The following ACSBG1 variants were observed in gnomAD, a reference collection of about 807,000 sequenced individuals.
The protein encoded by ACSBG1 is acyl-CoA synthetase bubblegum family member 1.
A neutral mutation model predicts 80.2 loss-of-function variants in ACSBG1; 39 were observed. That is an observed-to-expected ratio of 0.49 (90% CI 0.38 to 0.64). The LOEUF (loss-of-function observed/expected upper bound fraction) is 0.64, where lower values mean the gene tolerates loss of function less well. Ranked by LOEUF, ACSBG1 falls within the 30% of genes least tolerant of loss-of-function variation. ACSBG1 has a pLI of 0.00. For missense variants in ACSBG1, 828 were observed against 966.4 expected (o/e 0.86, Z 1.90); for synonymous variants, 392 against 379.5 (o/e 1.03, Z -0.38).
At chr15:78,207,917 T>TCCCCCCCACCACCCCCCCCA in intron 2 of ACSBG1, 85 bp downstream of exon 2, 2 of 876,066 alleles carry the variant, frequency 2.3e-6, no homozygotes, top group Non-Finnish European at 1.8e-6. Context: ...TGTGTGGTGG[T>TCCCCCCCACCACCCCCCCCA]CCCCCACACC....
intron 5 of ACSBG1, among the ~76,000 whole-genome samples, chr15:78,186,098 G>A (rs1451346222): frequency 6.6e-6 from 1 of 152,138 alleles, no homozygotes; most frequent in Non-Finnish European, 1.5e-5. Context: ...ATATGTTTAG[G>A]ATAGTTAGCT....
At chr15:78,174,968 CTTA>C (rs909273267) in intron 11 of ACSBG1, among the ~76,000 whole-genome samples, 6 of 152,244 alleles carry the variant, frequency 3.9e-5, no homozygotes, top group African/African-American at 9.6e-5. Context: ...AGCAGACACT[CTTA>C]TTGTTTTGCA....
In ACSBG1 at chr15:78,178,739, A is replaced by AAT. The variant is rs1220132077; in HGVS notation, c.1575_1576dup (p.Phe526TyrfsTer6). On this transcript the variant is annotated frameshift_variant, in exon 11 of 14. Coordinates refer to ENST00000258873, the MANE Select transcript of ACSBG1 (RefSeq NM_015162.5). LOFTEE classifies it high-confidence loss of function. This position sits in a 1 kb window ranked among gnomAD's most constrained non-coding sequence, Gnocchi z 4.3. ...GTCCTCCATGTTCAGGTAGCCCATG[A>AAT]ATATGGTGCGGCCCCACAGGCAGAT... is the stretch of plus-strand genomic sequence containing the variant. 4 of 1,614,164 alleles carry AAT rather than the reference A, an allele frequency of 2.5e-6. No individual in the cohort carries two copies. Among genetic ancestry groups the AAT allele is most frequent in the Non-Finnish European group, 3.4e-6 (4 of 1,180,024 alleles).
intron 13 of ACSBG1, among the ~76,000 whole-genome samples, chr15:78,173,264 G>A (rs921220545): frequency 1.0e-4 from 14 of 134,450 alleles, no homozygotes; most frequent in African/African-American, 3.8e-4. Flanking sequence ...AGAATCACTT[G>A]AACCCGCGAG....
chr15:78,194,158 TGGA>T (rs1016012764), intron 3 of ACSBG1, 138 bp from the exon 4 acceptor site: 19 of 822,680 alleles, frequency 2.3e-5, no homozygotes, highest in East Asian at 8.0e-5. Context: ...AGAATCCCCT[TGGA>T]GGAGAAGGGG....
Position 78,171,429 on chromosome 15 carries a change from A to G in ACSBG1, c.*15T>C, listed in dbSNP as rs754456068. 1.9e-6 allele frequency: 3 copies of G among 1,609,756 alleles called. No individual in the cohort carries two copies. Among genetic ancestry groups the G allele is most frequent in the Non-Finnish European group, 2.6e-6 (3 of 1,176,160 alleles). On this transcript the variant is annotated 3_prime_UTR_variant, in exon 14 of 14. Coordinates refer to ENST00000258873, the MANE Select transcript of ACSBG1 (RefSeq NM_015162.5). ...CTGCCCTCTATTCTATAGAAACTGC[A>G]GGCATAGGCCCTGATTACATTTTTT...
intron 2 of ACSBG1, among the ~76,000 whole-genome samples, chr15:78,207,150 C>G (rs1267907292): frequency 1.3e-5 from 2 of 152,202 alleles, no homozygotes; most frequent in African/African-American, 2.4e-5. Flanking sequence ...TGTCCCTGTT[C>G]CTGGCCTCTC....
At chr15:78,193,802 C>A in intron 4 of ACSBG1, 130 bp downstream of exon 4, 1 of 1,430,810 alleles carries the variant, frequency 7.0e-7, no homozygotes, top group Non-Finnish European at 9.5e-7. Flanking sequence ...GCAGGTCCAC[C>A]AGAAGGCCCC....
intron 8 of ACSBG1, 125 bp downstream of exon 8, chr15:78,181,844 G>T: frequency 7.7e-7 from 1 of 1,293,974 alleles, no homozygotes; most frequent in Non-Finnish European, 1.1e-6. Context: ...CACTGCAGCT[G>T]ACAGAATTCT....
intron 5 of ACSBG1, among the ~76,000 whole-genome samples, chr15:78,183,493 C>T (rs2074970104): frequency 6.6e-6 from 1 of 152,154 alleles, no homozygotes; most frequent in South Asian, 2.1e-4. Context: ...ACGAGACTCG[C>T]TTGAGCCCGG....
intron 2 of ACSBG1, 34 bp from the exon 3 acceptor site, chr15:78,194,760 G>A: frequency 6.3e-7 from 1 of 1,597,460 alleles, no homozygotes; most frequent in Non-Finnish European, 8.5e-7. Context: ...CTTGGATCAT[G>A]CCAGCCTGGG....
chr15:78,230,057 A>G (rs533698081), intron 1 of ACSBG1, among the ~76,000 whole-genome samples: 1 of 152,004 alleles, frequency 6.6e-6, no homozygotes, highest in Non-Finnish European at 1.5e-5. Context: ...TTCCTCCACA[A>G]TGGGCTTCCT....
chr15:78,234,458 TC>T lies in ACSBG1; in HGVS notation c.43del (p.Asp15ThrfsTer18). Reference sequence around the variant, plus strand: ...CTCTCTGCTGTCCAGCATGCTGGGGTCCCCGTGTGGGCAGCCGTATCCAGCT... The same window carrying T: ...CTCTCTGCTGTCCAGCATGCTGGGGTCCCGTGTGGGCAGCCGTATCCAGCT... Reference protein sequence around the residue: ...SGAGYGCPHGDPSMLDSRETP... With the variant: ...SGAGYGCPHGXPSMLDSRETP... On this transcript the variant is annotated frameshift_variant, in exon 1 of 14. Coordinates refer to ENST00000258873, the MANE Select transcript of ACSBG1 (RefSeq NM_015162.5). LOFTEE classifies it high-confidence loss of function. 1.9e-6 allele frequency: 3 copies of T among 1,612,762 alleles called. No individual in the cohort carries two copies. Among genetic ancestry groups the T allele is most frequent in the Non-Finnish European group, 8.5e-7 (1 of 1,179,980 alleles).
intron 1 of ACSBG1, among the ~76,000 whole-genome samples, chr15:78,211,809 C>A (rs1272717260): frequency 6.6e-6 from 1 of 152,178 alleles, no homozygotes; most frequent in Non-Finnish European, 1.5e-5. Context: ...TCCTTCAACT[C>A]CTCCTGCAGG....
In ACSBG1 at chr15:78,234,418, G is replaced by A; in HGVS notation, c.84C>T (p.Ser28=). The A allele has an allele frequency of 6.2e-7, 1 of 1,612,954 alleles. No homozygotes were observed. Among genetic ancestry groups the A allele is most frequent in the East Asian group, 2.2e-5 (1 of 44,884 alleles). Residue 28 remains serine, a synonymous_variant, in exon 1 of 14, where the codon AGC becomes AGT. Coordinates refer to ENST00000258873, the MANE Select transcript of ACSBG1 (RefSeq NM_015162.5). Reference sequence around the variant, plus strand: ...TGGTCCTCACAATCATGTCCTGCCGGCTCTCCTGTGGGGTCTCTCTGCTGT... The same window carrying A: ...TGGTCCTCACAATCATGTCCTGCCGACTCTCCTGTGGGGTCTCTCTGCTGT... ...MLDSRETPQE[S]RQDMIVRTTQ...
chr15:78,228,879 T>C (rs1251774980), intron 1 of ACSBG1, among the ~76,000 whole-genome samples: 2 of 152,190 alleles, frequency 1.3e-5, no homozygotes, highest in East Asian at 3.8e-4. Flanking sequence ...CTGTTTCATG[T>C]CTCAGTTTAA....
At chr15:78,207,943 A>ACCCCCCCCCCC in intron 2 of ACSBG1, 59 bp downstream of exon 2, 1 of 520,134 alleles carries the variant, frequency 1.9e-6, no homozygotes, top group Admixed American at 2.4e-5. Context: ...CCCCTCCAGC[A>ACCCCCCCCCCC]CACCCAGCAC....
chr15:78,193,447 G>T, intron 5 of ACSBG1, 59 bp downstream of exon 5: 2 of 1,558,248 alleles, frequency 1.3e-6, no homozygotes, highest in Non-Finnish European at 1.7e-6. Flanking sequence ...GTGAGTTGGA[G>T]TGGAGGTGCA....
chr15:78,176,020 T>C (rs1404353552), intron 11 of ACSBG1, among the ~76,000 whole-genome samples: 1 of 152,068 alleles, frequency 6.6e-6, no homozygotes, highest in African/African-American at 2.4e-5. Flanking sequence ...TTTAATCAGA[T>C]AAGGAACATC....
Sources: allele counts gnomAD v4.1 joint callset (sites outside exome capture counted in the v4.1 genomes callset), GRCh38; gene constraint gnomAD v4.1.1; non-coding constraint Gnocchi (gnomAD v3.1); transcripts MANE v1.5; gene names NCBI Gene and HGNC (gene_info 2026-07-23, HGNC 2026-07-21).